Variants in COL24A1 observed in about 807,000 individuals in gnomAD.
COL24A1 encodes the protein collagen type XXIV alpha 1 chain, also known as collagen alpha-1(XXIV) chain.
Under a neutral mutation model 253.9 loss-of-function variants are expected in COL24A1, and 224 were observed. The observed-to-expected ratio is 0.88, with a 90% CI of 0.79 to 0.99. The LOEUF is 0.99. COL24A1 is among the 50% of genes least tolerant of loss of function. The probability of loss-of-function intolerance (pLI) is 0.00; values close to 1 mark genes in which losing one functional copy is unlikely to be tolerated. For synonymous variants in COL24A1, 685 were observed against 673.7 expected (o/e 1.02, Z -0.26); for missense variants, 2,131 against 2,068.5 (o/e 1.03, Z -0.59).
At chr1:85,938,855 G>A (rs386508264) in intron 24 of COL24A1, among the ~76,000 whole-genome samples, 1 of 118,152 alleles carries the variant, frequency 8.5e-6, no homozygotes, top group African/African-American at 3.0e-5. Context: ...AGCCTAGCAT[G>A]GGACTACTCA....
chr1:85,926,224 G>A (rs187738071), intron 24 of COL24A1, among the ~76,000 whole-genome samples: 3 of 152,346 alleles, frequency 2.0e-5, no homozygotes, highest in Admixed American at 1.3e-4. Context: ...TACACTGCTG[G>A]TGGGAGTGTA....
At chr1:85,763,492 CTTT>C (rs371408246) in intron 53 of COL24A1, among the ~76,000 whole-genome samples, 3 of 124,532 alleles carry the variant, frequency 2.4e-5, no homozygotes. Flanking sequence ...CTTTTACTTT[CTTT>C]TTTTTTTTTT....
At position 85,823,520 on chromosome 1, in the gene COL24A1, A is replaced by T; in HGVS notation, c.3789+16T>A. 6.2e-7 allele frequency: 1 copy of T among 1,613,296 alleles called. No homozygotes were observed. Among genetic ancestry groups the T allele is most frequent in the Non-Finnish European group, 8.5e-7 (1 of 1,179,464 alleles). On this transcript the variant is annotated intron_variant, in intron 45 of 59. Coordinates refer to ENST00000370571, the MANE Select transcript of COL24A1 (RefSeq NM_152890.7). ...TAACAATACATCTCAAATTGCCTTAAATAATTTCAACTTACTTCAGATCCT... is the reference window on the plus strand; with the variant it reads ...TAACAATACATCTCAAATTGCCTTATATAATTTCAACTTACTTCAGATCCT...
chr1:85,910,927 G>T (rs1685301791), intron 25 of COL24A1, among the ~76,000 whole-genome samples: 1 of 151,728 alleles, frequency 6.6e-6, no homozygotes, highest in Non-Finnish European at 1.5e-5. Flanking sequence ...CCAACAGTTT[G>T]GTTTTGAAGA....
At chr1:85,861,822 T>C (rs1416978068) in intron 37 of COL24A1, among the ~76,000 whole-genome samples, 1 of 152,210 alleles carries the variant, frequency 6.6e-6, no homozygotes, top group Non-Finnish European at 1.5e-5. Context: ...ATCTACTTCC[T>C]ACCTATTTCT....
chr1:85,805,867 A>G (rs920100258), intron 47 of COL24A1, among the ~76,000 whole-genome samples: 5 of 152,142 alleles, frequency 3.3e-5, no homozygotes, highest in African/African-American at 1.2e-4. Flanking sequence ...CGAGGTCAGG[A>G]GATCGAGACC....
chr1:85,806,811 C>T (rs1672018608), intron 47 of COL24A1, among the ~76,000 whole-genome samples: 2 of 152,326 alleles, frequency 1.3e-5, no homozygotes, highest in South Asian at 2.1e-4. Context: ...TACGACCCAG[C>T]AGGCTCCTTT....
At position 85,740,953 on chromosome 1, in the gene COL24A1, C is replaced by CAAAAAAAAAAAAA. The variant is rs774839476; in HGVS notation, c.4673-3461_4673-3449dup. 2.3e-4 allele frequency among the ~76,000 whole-genome samples: 19 copies of CAAAAAAAAAAAAA among 83,026 alleles called. 1 individual carries two copies. The highest frequency in any genetic ancestry group is 1.0e-3 in the South Asian group (2 of 1,930). 54.5% of individuals were successfully genotyped at this position (83,026 alleles called of 152,430 possible). A position where few individuals can be genotyped will look rare whatever the true frequency, so the allele number is the denominator to read the frequency against. ...TGAAACCCTGTCTCTTCTAAAAATA[C>CAAAAAAAAAAAAA]AAAAAAAAAAAAAAAATTAGCTGGG... On this transcript the variant is annotated intron_variant, in intron 57 of 59. Coordinates refer to ENST00000370571, the MANE Select transcript of COL24A1 (RefSeq NM_152890.7).
intron 7 of COL24A1, among the ~76,000 whole-genome samples, chr1:86,088,213 G>T (rs1313523136): frequency 6.6e-6 from 1 of 152,154 alleles, no homozygotes; most frequent in Non-Finnish European, 1.5e-5. Context: ...CCTGCCCAAA[G>T]TTGATGGAAC....
At chr1:85,804,597 T>G (rs962666380) in intron 47 of COL24A1, among the ~76,000 whole-genome samples, 1 of 152,150 alleles carries the variant, frequency 6.6e-6, no homozygotes, top group Admixed American at 6.5e-5. Context: ...AGTCACACCT[T>G]GCATGGATGG....
chr1:85,765,882 A>G (rs1667317212), intron 53 of COL24A1, among the ~76,000 whole-genome samples: 1 of 152,112 alleles, frequency 6.6e-6, no homozygotes, highest in Non-Finnish European at 1.5e-5. Context: ...TGCATTACTT[A>G]CTCTGAAATT....
At chr1:86,036,606 C>T (rs1699047740) in intron 12 of COL24A1, among the ~76,000 whole-genome samples, 1 of 152,084 alleles carries the variant, frequency 6.6e-6, no homozygotes, top group Non-Finnish European at 1.5e-5. Flanking sequence ...CTAATAACTG[C>T]ATTAATATTT....
chr1:85,951,662 C>T (rs1689946487), intron 24 of COL24A1, among the ~76,000 whole-genome samples: 1 of 152,144 alleles, frequency 6.6e-6, no homozygotes. Context: ...CATTTTCCCC[C>T]TTATAATCTA....
chr1:85,842,431 T>A, intron 39 of COL24A1, 38 bp from the exon 40 acceptor site: 3 of 1,288,386 alleles, frequency 2.3e-6, no homozygotes, highest in Non-Finnish European at 3.3e-6. Context: ...AGAGAGAAAG[T>A]AAAGAATTGT....
At chr1:86,022,488 T>C in intron 17 of COL24A1, 50 bp downstream of exon 17, 1 of 1,505,432 alleles carries the variant, frequency 6.6e-7, no homozygotes, top group Non-Finnish European at 9.2e-7. Context: ...TTCTTTCTTT[T>C]GAATTTACAC....
intron 37 of COL24A1, among the ~76,000 whole-genome samples, chr1:85,866,957 T>A (rs755845044): frequency 6.6e-6 from 1 of 152,178 alleles, no homozygotes; most frequent in Admixed American, 6.6e-5. Context: ...AATAATCTTA[T>A]ACTTCTGGTT....
chr1:86,139,393 A>G (rs1650754054), intron 2 of COL24A1, among the ~76,000 whole-genome samples: 1 of 152,152 alleles, frequency 6.6e-6, no homozygotes. Context: ...AATGGTTATA[A>G]CTCATTTTAC....
intron 12 of COL24A1, among the ~76,000 whole-genome samples, chr1:86,042,109 A>G (rs1266106110): frequency 6.6e-6 from 1 of 152,170 alleles, no homozygotes; most frequent in Admixed American, 6.5e-5. Context: ...ATGAGTATAC[A>G]CATACATTGA....
intron 20 of COL24A1, among the ~76,000 whole-genome samples, chr1:85,977,190 G>T (rs1329920810): frequency 1.3e-5 from 2 of 152,130 alleles, no homozygotes; most frequent in South Asian, 2.1e-4. Flanking sequence ...CACATCAAGG[G>T]ATCACCCCAT....
Sources: allele counts gnomAD v4.1 joint callset (sites outside exome capture counted in the v4.1 genomes callset), GRCh38; gene constraint gnomAD v4.1.1; transcripts MANE v1.5; gene names NCBI Gene and HGNC (gene_info 2026-07-23, HGNC 2026-07-21).